The following GOLGA3 variants were observed in gnomAD, a reference collection of about 807,000 sequenced individuals.
GOLGA3 encodes golgin A3, also known as golgin subfamily A member 3.
Under a neutral mutation model 169.4 loss-of-function variants are expected in GOLGA3, and 75 were observed. The ratio of observed to expected loss-of-function variants is 0.44; its 90% CI spans 0.37 to 0.54. GOLGA3 has a LOEUF of 0.54. Among genes scored for constraint, GOLGA3 ranks in the 20% least tolerant of loss-of-function variants. The pLI, the probability that GOLGA3 is intolerant of heterozygous loss-of-function variation, is 0.00. For missense variants in GOLGA3, 1,899 were observed against 1,930.0 expected, an observed-to-expected ratio of 0.98 and a Z score of 0.30; for synonymous variants, 824 against 822.4, an observed-to-expected ratio of 1.00 and a Z score of -0.03.
intron 2 of GOLGA3, among the ~76,000 whole-genome samples, chr12:132,819,299 G>A (rs1037487526): frequency 6.6e-6 from 1 of 152,156 alleles, no homozygotes; most frequent in African/African-American, 2.4e-5. Flanking sequence ...GGAAGCTGAG[G>A]CAGGTGGATC....
intron 1 of GOLGA3, among the ~76,000 whole-genome samples, chr12:132,823,093 A>C (rs1950282916): frequency 6.6e-6 from 1 of 152,232 alleles, no homozygotes; most frequent in Admixed American, 6.5e-5. Flanking sequence ...TGGTAACTCT[A>C]TACAGGGTGT....
Position 132,795,864 on chromosome 12 carries a change from G to A in GOLGA3, c.2457C>T (p.Ile819=), listed in dbSNP as rs1428889987. Residue 819 remains isoleucine, a synonymous_variant, in exon 11 of 24, where the codon ATC becomes ATT. Coordinates refer to ENST00000450791, the MANE Select transcript of GOLGA3 (RefSeq NM_001389683.1). ...TLEKLREELA[I]KSGQVEHLQQ... ...CAGAATGCATTACCTGGCCGGATTTGATAGCTAATTCTTCTCTTAACTTCT... is the reference window on the plus strand; with the variant it reads ...CAGAATGCATTACCTGGCCGGATTTAATAGCTAATTCTTCTCTTAACTTCT... 2 of 1,611,846 alleles carry A rather than the reference G, an allele frequency of 1.2e-6. No homozygotes were observed. Among genetic ancestry groups the A allele is most frequent in the East Asian group, 2.2e-5 (1 of 44,828 alleles).
intron 8 of GOLGA3, 89 bp downstream of exon 8, chr12:132,801,678 T>A: frequency 7.7e-7 from 1 of 1,298,998 alleles, no homozygotes; most frequent in Admixed American, 1.8e-5. Flanking sequence ...GCCTGTGAAC[T>A]CTAAAAACAG....
intron 6 of GOLGA3, among the ~76,000 whole-genome samples, chr12:132,806,383 G>C (rs1949402748): frequency 6.6e-6 from 1 of 152,240 alleles, no homozygotes; most frequent in Admixed American, 6.5e-5. Context: ...CGTACAACCA[G>C]AATTAGCCTC....
At chr12:132,796,378 G>A (rs766960576) in intron 10 of GOLGA3, among the ~76,000 whole-genome samples, 158 bp from the exon 11 acceptor site, 14 of 152,164 alleles carry the variant, frequency 9.2e-5, no homozygotes, top group Non-Finnish European at 1.8e-4. Context: ...GCAAACACAG[G>A]GTCAGGTCTG....
chr12:132,773,422 T>C, intron 23 of GOLGA3, 128 bp from the exon 24 acceptor site: 1 of 531,882 alleles, frequency 1.9e-6, no homozygotes, highest in Non-Finnish European at 3.3e-6. Context: ...GCAAACCAAC[T>C]GAGACCACAG....
rs1280331348 is a variant in GOLGA3, at chr12:132,792,843, G to C, written c.2470-1550C>G. Among the ~76,000 whole-genome samples, 107 of 64,966 alleles carry C rather than the reference G, an allele frequency of 1.6e-3. 4 individuals carry two copies. Among genetic ancestry groups the C allele is most frequent in the Middle Eastern group, 0.014 (1 of 74 alleles). The allele number at this position is 64,966 out of a possible 152,430, so 42.6% of individuals were successfully genotyped here. On this transcript the variant is annotated intron_variant, in intron 11 of 23. Transcript: ENST00000450791. ...CCACTCGGAGGGCTCCACACGGACC[G>C]ACCACACGGGACCTGCACTCGGAGG... is the stretch of plus-strand genomic sequence containing the variant.
chr12:132,824,273 A>G (rs1486333432), intron 1 of GOLGA3, among the ~76,000 whole-genome samples: 2 of 152,222 alleles, frequency 1.3e-5, no homozygotes, highest in African/African-American at 2.4e-5. Context: ...GACACAGTCA[A>G]TGACTCACTG....
intron 17 of GOLGA3, 61 bp from the exon 18 acceptor site, chr12:132,780,975 G>T: frequency 8.0e-7 from 1 of 1,247,716 alleles, no homozygotes; most frequent in Non-Finnish European, 1.2e-6. Context: ...ACACAAGGCT[G>T]CTACAGCAGG....
chr12:132,796,302 A>G, intron 10 of GOLGA3, 82 bp from the exon 11 acceptor site: 1 of 1,459,286 alleles, frequency 6.9e-7, no homozygotes, highest in Non-Finnish European at 9.1e-7. Flanking sequence ...GGTTTCAAGT[A>G]ATTTTGATGG....
At position 132,804,905 on chromosome 12, in the gene GOLGA3, C is replaced by T. The variant is rs1356974256; in HGVS notation, c.1408G>A (p.Val470Met). 1.2e-6 allele frequency: 2 copies of T among 1,613,866 alleles called. No homozygotes were observed. The highest frequency in any genetic ancestry group is 2.7e-5 in the African/African-American group (2 of 74,938). ...CAGCACGACTGCTTCAGGGTGTCCACCTCCGAGCTCAGCGAATCCTGCCGC... is the reference window on the plus strand; with the variant it reads ...CAGCACGACTGCTTCAGGGTGTCCATCTCCGAGCTCAGCGAATCCTGCCGC... Reference protein sequence around the residue: ...QQRQDSLSSEVDTLKQSCWDL... With the variant: ...QQRQDSLSSEMDTLKQSCWDL... Residue 470 changes from valine (V) to methionine (M), a missense_variant, in exon 7 of 24, where the codon GTG becomes ATG. Coordinates refer to ENST00000450791, the MANE Select transcript of GOLGA3 (RefSeq NM_001389683.1). The surrounding 1 kb of genome is among the most constrained non-coding windows in gnomAD (Gnocchi z 4.1).
chr12:132,789,344 T>C, intron 12 of GOLGA3, 54 bp from the exon 13 acceptor site: 1 of 1,463,200 alleles, frequency 6.8e-7, no homozygotes, highest in Non-Finnish European at 9.1e-7. Context: ...GTGGGGGGCG[T>C]ACCTGGGGGT....
At chr12:132,798,258 A>G in intron 9 of GOLGA3, 82 bp downstream of exon 9, 3 of 1,301,870 alleles carry the variant, frequency 2.3e-6, no homozygotes, top group Non-Finnish European at 3.2e-6. Flanking sequence ...ACACAGAGAG[A>G]CGGAACATGT....
rs2044917481 is a variant in GOLGA3, at chr12:132,772,015, G to A, written c.*1090C>T. ...TGGAATCACACAGGGCCAGTGGCCT[G>A]AGAGGAAGAGACCAGCAGGAAGGAA... On this transcript the variant is annotated 3_prime_UTR_variant, in exon 24 of 24. Coordinates refer to ENST00000450791, the MANE Select transcript of GOLGA3 (RefSeq NM_001389683.1). 1 of 152,286 alleles carries A rather than the reference G, an allele frequency of 6.6e-6. No individual in the cohort carries two copies. Among genetic ancestry groups the A allele is most frequent in the Non-Finnish European group, 1.5e-5 (1 of 68,064 alleles). 9.4% of individuals were successfully genotyped at this position (152,286 alleles called of 1,614,324 possible). A position where few individuals can be genotyped will look rare whatever the true frequency, so the allele number is the denominator to read the frequency against.
At chr12:132,807,789 C>T in intron 5 of GOLGA3, 102 bp downstream of exon 5, 1 of 302,016 alleles carries the variant, frequency 3.3e-6, no homozygotes, top group Non-Finnish European at 5.7e-6. Context: ...TTGGCCCCAC[C>T]CACCTCTGCT....
chr12:132,813,262 G>T, intron 4 of GOLGA3, 45 bp downstream of exon 4: 1 of 1,317,332 alleles, frequency 7.6e-7, no homozygotes, highest in African/African-American at 1.4e-5. Flanking sequence ...GTTGTCTCTG[G>T]CACAGGAAGC....
At chr12:132,790,473 G>A (rs1387124195) in intron 12 of GOLGA3, among the ~76,000 whole-genome samples, 2 of 152,212 alleles carry the variant, frequency 1.3e-5, no homozygotes, top group Admixed American at 1.3e-4. Flanking sequence ...CCAACAGGAG[G>A]TACTGGCTTC....
chr12:132,807,084 C>G, intron 6 of GOLGA3, 93 bp downstream of exon 6: 1 of 718,210 alleles, frequency 1.4e-6, no homozygotes, highest in Non-Finnish European at 2.4e-6. Flanking sequence ...GGCTGATTCC[C>G]AACCACATCT....
intron 18 of GOLGA3, 149 bp downstream of exon 18, chr12:132,780,649 T>C: frequency 1.5e-6 from 1 of 667,680 alleles, no homozygotes. Flanking sequence ...CCAGAGCAGG[T>C]GCTCTGCGGC....
Sources: allele counts gnomAD v4.1 joint callset (sites outside exome capture counted in the v4.1 genomes callset), GRCh38; gene constraint gnomAD v4.1.1; non-coding constraint Gnocchi (gnomAD v3.1); transcripts MANE v1.5; gene names NCBI Gene and HGNC (gene_info 2026-07-23, HGNC 2026-07-21).